The following NBAS variants were observed in gnomAD, a reference collection of about 807,000 sequenced individuals.
NBAS encodes NAG/BC035112 fusion.
Under a neutral mutation model 302.5 loss-of-function variants are expected in NBAS, and 219 were observed. The ratio of observed to expected loss-of-function variants is 0.72; its 90% CI spans 0.65 to 0.81. The LOEUF (loss-of-function observed/expected upper bound fraction) is 0.81. Ranked by LOEUF, NBAS falls within the 30% of genes least tolerant of loss-of-function variation. The pLI, the probability that NBAS is intolerant of heterozygous loss-of-function variation, is 0.00. For missense variants in NBAS, 2,932 were observed against 2,841.6 expected (o/e 1.03, Z -0.72); for synonymous variants, 1,118 against 1,021.6 (o/e 1.09, Z -1.80).
the NBAS span, among the ~76,000 whole-genome samples, chr2:14,787,816 C>A: frequency 6.6e-6 from 1 of 152,120 alleles, no homozygotes. Flanking sequence ...TTGCTGTTCT[C>A]AAGGAGTATC....
rs138702426 is a variant in NBAS at position 15,386,235 on chromosome 2, G to A, written c.3258-2918C>T. ...ACAGTCAGAGAGGTAGATACAAAAC[G>A]CTTAGGAATTTCTAGGAAGGAGAAT... On this transcript the variant is annotated intron_variant, in intron 28 of 51. Coordinates refer to ENST00000281513, the MANE Select transcript of NBAS (RefSeq NM_015909.4). 2.1e-3 allele frequency among the ~76,000 whole-genome samples: 319 copies of A among 152,230 alleles called. 3 individuals carry two copies. The highest frequency in any genetic ancestry group is 7.4e-3 in the African/African-American group (307 of 41,530).
In NBAS at chr2:15,276,839, C is replaced by A. The variant is rs1208976293; in HGVS notation, c.5389+12G>T. 1.9e-6 allele frequency: 3 copies of A among 1,613,854 alleles called. No individual in the cohort carries two copies. The African/African-American group carries it at 4.0e-5, about 22-fold the overall frequency. ...AAAAGAATGAATTCAAGCAGGGAAA[C>A]AACCATCCTACCTGATGCAACAACC... On this transcript the variant is annotated intron_variant, in intron 43 of 51. Coordinates refer to ENST00000281513, the MANE Select transcript of NBAS (RefSeq NM_015909.4).
intron 9 of NBAS, among the ~76,000 whole-genome samples, chr2:15,532,777 C>T (rs11675604): frequency 0.53 from 80,112 of 151,574 alleles, 23,818 homozygotes; most frequent in Non-Finnish European, 0.67. Context: ...GTTTTTAAAA[C>T]TAAACACTTG....
At chr2:14,786,940 T>C in the NBAS span, among the ~76,000 whole-genome samples, 1 of 152,168 alleles carries the variant, frequency 6.6e-6, no homozygotes, top group Non-Finnish European at 1.5e-5. Flanking sequence ...TCTCCCATTA[T>C]TATTGTGTGG....
At chr2:15,247,984 A>T (rs1237539412) in intron 44 of NBAS, among the ~76,000 whole-genome samples, 3 of 152,140 alleles carry the variant, frequency 2.0e-5, no homozygotes, top group Admixed American at 6.6e-5. Context: ...CTCCACCCCA[A>T]ATCAACAGAA....
the NBAS span, among the ~76,000 whole-genome samples, chr2:14,954,867 T>C: frequency 7.9e-5 from 12 of 152,108 alleles, no homozygotes; most frequent in Non-Finnish European, 1.5e-5. Flanking sequence ...TAAGATGAGA[T>C]TTGGGTAGGG....
At chr2:15,234,070 C>A (rs1667488096) in intron 46 of NBAS, among the ~76,000 whole-genome samples, 1 of 152,178 alleles carries the variant, frequency 6.6e-6, no homozygotes, top group African/African-American at 2.4e-5. Context: ...CCATTAATTG[C>A]AGGTAAATAA....
chr2:14,939,945 G>T, the NBAS span, among the ~76,000 whole-genome samples: 1 of 152,122 alleles, frequency 6.6e-6, no homozygotes, highest in Non-Finnish European at 1.5e-5. Context: ...GCTTTATCAC[G>T]GGTCATAGGA....
intron 42 of NBAS, among the ~76,000 whole-genome samples, chr2:15,283,940 A>G (rs1669932123): frequency 6.6e-6 from 1 of 152,180 alleles, no homozygotes; most frequent in Non-Finnish European, 1.5e-5. Flanking sequence ...CAACATGTCT[A>G]GAATAGCCAG....
the NBAS span, among the ~76,000 whole-genome samples, chr2:14,811,309 T>C: frequency 6.6e-6 from 1 of 151,638 alleles, no homozygotes; most frequent in Non-Finnish European, 1.5e-5. Context: ...ACCGGGGAGG[T>C]TGAAATAGGA....
At chr2:14,915,965 G>A in the NBAS span, among the ~76,000 whole-genome samples, 2 of 152,072 alleles carry the variant, frequency 1.3e-5, no homozygotes, top group Admixed American at 6.5e-5. Context: ...CCATGATTGT[G>A]AGGCCTCCCC....
At chr2:15,420,787 A>G (rs1223098376) in intron 23 of NBAS, among the ~76,000 whole-genome samples, 4 of 152,180 alleles carry the variant, frequency 2.6e-5, no homozygotes, top group Admixed American at 2.6e-4. Context: ...TGTTCTGAGA[A>G]TGATGAGGGA....
chr2:14,998,029 T>G, the NBAS span, among the ~76,000 whole-genome samples: 60 of 152,200 alleles, frequency 3.9e-4, 1 homozygote, highest in Non-Finnish European at 6.3e-4. Flanking sequence ...TGGTCTATTC[T>G]TTACACCCTA....
the NBAS span, among the ~76,000 whole-genome samples, chr2:14,896,847 T>G: frequency 6.6e-6 from 1 of 152,164 alleles, no homozygotes; most frequent in South Asian, 2.1e-4. Context: ...TGATAATGTA[T>G]AAGCATTTTA....
the NBAS span, among the ~76,000 whole-genome samples, chr2:15,013,839 T>TAAA: frequency 6.6e-6 from 1 of 151,882 alleles, no homozygotes; most frequent in African/African-American, 2.4e-5. Flanking sequence ...GCTGCATGAA[T>TAAA]AAAAATTCAA....
chr2:15,534,094 A>T (rs532588002), intron 9 of NBAS, among the ~76,000 whole-genome samples: 1 of 152,342 alleles, frequency 6.6e-6, no homozygotes, highest in Non-Finnish European at 1.5e-5. Flanking sequence ...GAAAAGTGGC[A>T]TATGTGAATG....
chr2:15,107,225 T>TTC, the NBAS span, among the ~76,000 whole-genome samples: 2 of 151,208 alleles, frequency 1.3e-5, no homozygotes, highest in East Asian at 1.9e-4. Flanking sequence ...AGGGAGAGAA[T>TTC]TCTCTCTCTC....
chr2:15,553,314 TTAA>T, intron 5 of NBAS, 109 bp downstream of exon 5: 2 of 988,098 alleles, frequency 2.0e-6, no homozygotes, highest in Non-Finnish European at 3.1e-6. Context: ...ATTAAGTGAG[TTAA>T]TAATAAAATC....
At position 15,305,514 on chromosome 2, in the gene NBAS, C is replaced by T. The variant is rs184754080; in HGVS notation, c.4797+2702G>A. 3.7e-4 allele frequency among the ~76,000 whole-genome samples: 55 copies of T among 149,320 alleles called. No individual in the cohort carries two copies. In the East Asian group the frequency reaches 8.5e-3, roughly 23 times the overall value. On this transcript the variant is annotated intron_variant, in intron 40 of 51. Coordinates refer to ENST00000281513, the MANE Select transcript of NBAS (RefSeq NM_015909.4). ...GTTGCCCAGGCGGAGTGCAACGGCG[C>T]GATCTCAGCTCACTGCAACCTCCGC...
Sources: gnomAD v4.1 joint callset for allele counts (sites outside exome capture counted in the v4.1 genomes callset) on GRCh38, gnomAD v4.1.1 for gene constraint, MANE v1.5 for transcripts, NCBI Gene and HGNC (gene_info 2026-07-23, HGNC 2026-07-21) for gene names.